MICAL2: variants seen among roughly 807,000 people sequenced by gnomAD.
The protein encoded by MICAL2 is microtubule associated monooxygenase, calponin and LIM domain containing 2.
In MICAL2, 77 loss-of-function variants were observed where a neutral mutation model predicts 127.3. That is an observed-to-expected ratio of 0.60 (90% CI 0.50 to 0.73). The LOEUF (loss-of-function observed/expected upper bound fraction) is 0.73. Ranked by LOEUF, MICAL2 falls within the 30% of genes least tolerant of loss-of-function variation. MICAL2 has a pLI of 0.00. For synonymous variants in MICAL2, 570 were observed against 551.1 expected (o/e 1.03, Z -0.48); for missense variants, 1,351 against 1,434.4 (o/e 0.94, Z 0.94).
intron 3 of MICAL2, among the ~76,000 whole-genome samples, chr11:12,168,886 G>A (rs1855877280): frequency 6.9e-6 from 1 of 145,792 alleles, no homozygotes; most frequent in African/African-American, 2.6e-5. Context: ...GGTCAAGGCG[G>A]CAGTGAGCTA....
At position 12,311,563 on chromosome 11, in the gene MICAL2, G is replaced by A. The variant is rs181724918; in HGVS notation, c.5213-8133G>A. ...AGTAGCTGGCACACGCCACCACACC[G>A]GCTAATTTTTGTATTTTTCTTAGAG... On this transcript the variant is annotated intron_variant, in intron 29 of 34. Transcript: ENST00000646065. 2.6e-3 allele frequency among the ~76,000 whole-genome samples: 391 copies of A among 152,166 alleles called. 2 individuals are homozygous for A. Among genetic ancestry groups the A allele is most frequent in the Non-Finnish European group, 2.7e-3 (184 of 67,974 alleles).
At chr11:12,280,645 G>T (rs1020096507) in intron 1 of MICAL2, among the ~76,000 whole-genome samples, 3 of 152,182 alleles carry the variant, frequency 2.0e-5, no homozygotes, top group Non-Finnish European at 2.9e-5. Flanking sequence ...AGGTGCATGG[G>T]ACAAGGGCCC....
At position 12,335,350 on chromosome 11, in the gene MICAL2, T is replaced by C. The variant is rs548406914; in HGVS notation, c.5515+8084T>C. ...TTGAGTTCATTGTAGATTCTGGATA[T>C]TAGCCCTTTGTCAGATGAGTAGGTT... On this transcript the variant is annotated intron_variant, in intron 32 of 34. Coordinates refer to the MICAL2 transcript ENST00000646065. Among the ~76,000 whole-genome samples, 18 of 152,278 alleles carry C rather than the reference T, an allele frequency of 1.2e-4. No homozygotes were observed. In the East Asian group the frequency reaches 3.1e-3, roughly 26 times the overall value.
At chr11:12,194,629 A>G (rs1198719613) in intron 3 of MICAL2, among the ~76,000 whole-genome samples, 1 of 152,168 alleles carries the variant, frequency 6.6e-6, no homozygotes, top group Non-Finnish European at 1.5e-5. Context: ...TCCTAAAGAA[A>G]TGTGAGATTT....
chr11:12,161,864 G>C (rs765388662), intron 2 of MICAL2: 5 of 451,006 alleles, frequency 1.1e-5, no homozygotes, highest in Non-Finnish European at 2.0e-5. Flanking sequence ...AAGAGGAGCA[G>C]AGCATAGGGG....
chr11:12,256,385 T>G (rs1267565627), intron 23 of MICAL2: 1 of 166,044 alleles, frequency 6.0e-6, no homozygotes, highest in Admixed American at 6.0e-5. Flanking sequence ...CGGGCCAGTT[T>G]CAGGACCTTT....
At position 12,224,801 on chromosome 11, in the gene MICAL2, C is replaced by T. The variant is rs140261770; in HGVS notation, c.1669C>T (p.Arg557Cys). The change falls in exon 13 of 28, where the codon CGC (arginine) becomes TGC (cysteine). Residue 557 changes from arginine to cysteine, a missense_variant. By Grantham distance (180) the Arg-to-Cys change is radical (BLOSUM62 -3). Around this residue, in one of 2 missense-constraint regions of MICAL2, gnomAD observed 599 missense variants for 714.9 expected, o/e 0.84. Coordinates refer to ENST00000683283, the MANE Select transcript of MICAL2 (RefSeq NM_001282663.2). Reference sequence around the variant, plus strand: ...GTTGGCCCTGTGTGCCATCATCCACCGCTTCCGGCCTGAGCTCATGTGAGT... The same window carrying T: ...GTTGGCCCTGTGTGCCATCATCCACTGCTTCCGGCCTGAGCTCATGTGAGT... ...SGLALCAIIH[R>C]FRPELINFDS... is the part of the protein sequence containing the mutation. 511 of 1,613,386 alleles carry T rather than the reference C, an allele frequency of 3.2e-4. 1 individual carries two copies. The highest frequency in any genetic ancestry group is 2.8e-3 in the African/African-American group (208 of 75,066).
chr11:12,352,711 G>A (rs949347755), intron 33 of MICAL2, among the ~76,000 whole-genome samples: 3 of 152,186 alleles, frequency 2.0e-5, no homozygotes, highest in Non-Finnish European at 4.4e-5. Context: ...GGTCTATTGG[G>A]GAAAATGCCT....
Position 12,212,418 on chromosome 11 carries a change from G to A in MICAL2, c.692-837G>A, listed in dbSNP as rs539547628. ...TTGACCCTGGGAGGTCGAGGCTGCAGTGAGCCATGATTGGCACCGCTGCTT... is the reference window on the plus strand; with the variant it reads ...TTGACCCTGGGAGGTCGAGGCTGCAATGAGCCATGATTGGCACCGCTGCTT... On this transcript the variant is annotated intron_variant, in intron 6 of 27. Transcript: ENST00000683283. Among the ~76,000 whole-genome samples, 13 of 152,274 alleles carry A rather than the reference G, an allele frequency of 8.5e-5. No individual in the cohort carries two copies. The Middle Eastern group carries it at 0.014, about 159-fold the overall frequency.
downstream of MICAL2, chr11:12,294,937 C>G: frequency 7.3e-7 from 1 of 1,370,032 alleles, no homozygotes; most frequent in Non-Finnish European, 9.4e-7. Context: ...AAGCAGGCAT[C>G]TTTCACTTCG....
At chr11:12,238,969 C>G (rs1033204809) in intron 16 of MICAL2, among the ~76,000 whole-genome samples, 3 of 144,724 alleles carry the variant, frequency 2.1e-5, no homozygotes, top group Admixed American at 2.0e-4. Flanking sequence ...CCAGGCCTTG[C>G]CTGAGTGACC....
Position 12,181,251 on chromosome 11 carries a change from A to T in MICAL2, c.264+18832A>T, listed in dbSNP as rs1016304670. On this transcript the variant is annotated intron_variant, in intron 3 of 27. Coordinates refer to ENST00000683283, the MANE Select transcript of MICAL2 (RefSeq NM_001282663.2). Reference sequence around the variant, plus strand: ...GAGCCACCGTGCCCGGCCTATTCTTACATTTATTTTCAAAAGAAATTCTGT... The same window carrying T: ...GAGCCACCGTGCCCGGCCTATTCTTTCATTTATTTTCAAAAGAAATTCTGT... 1.2e-4 allele frequency among the ~76,000 whole-genome samples: 18 copies of T among 152,300 alleles called. 2 individuals are homozygous for T. The highest frequency in any genetic ancestry group is 1.1e-3 in the Admixed American group (17 of 15,290).
chr11:12,166,026 T>C (rs943462306), intron 3 of MICAL2, among the ~76,000 whole-genome samples: 7 of 152,190 alleles, frequency 4.6e-5, no homozygotes, highest in African/African-American at 1.7e-4. Flanking sequence ...ACTGGCTCTG[T>C]ATTAGGGTAA....
intron 1 of MICAL2, among the ~76,000 whole-genome samples, chr11:12,137,026 C>T (rs1851894832): frequency 6.6e-6 from 1 of 152,224 alleles, no homozygotes; most frequent in Non-Finnish European, 1.5e-5. Context: ...ACCCACAGAT[C>T]CCAGAAGCTT....
At chr11:12,167,889 A>G (rs1855708408) in intron 3 of MICAL2, among the ~76,000 whole-genome samples, 2 of 152,200 alleles carry the variant, frequency 1.3e-5, no homozygotes, top group Non-Finnish European at 1.5e-5. Context: ...ATTCACAGCA[A>G]TGTCATATGG....
At chr11:12,326,041 T>G (rs917128458) in intron 31 of MICAL2, among the ~76,000 whole-genome samples, 1 of 152,194 alleles carries the variant, frequency 6.6e-6, no homozygotes, top group African/African-American at 2.4e-5. Context: ...TAAGCACTCA[T>G]AGCTGGGACA....
intron 3 of MICAL2, among the ~76,000 whole-genome samples, chr11:12,198,060 C>T (rs1296472027): frequency 6.6e-6 from 1 of 152,178 alleles, no homozygotes; most frequent in Non-Finnish European, 1.5e-5. Flanking sequence ...TTTCCCAGAG[C>T]AGCACTTGAA....
At chr11:12,292,258 T>A (rs755313331), downstream of MICAL2, 19 of 1,614,010 alleles carry the variant, frequency 1.2e-5, no homozygotes, top group Admixed American at 3.2e-4. Flanking sequence ...CTTCAACCAG[T>A]GTTTCTGGGA....
chr11:12,207,891 G>C, intron 4 of MICAL2, 132 bp from the exon 5 acceptor site: 1 of 716,998 alleles, frequency 1.4e-6, no homozygotes, highest in Non-Finnish European at 2.5e-6. Flanking sequence ...GCATAATCCC[G>C]CTCAGTAATG....
Sources: allele counts gnomAD v4.1 joint callset (sites outside exome capture counted in the v4.1 genomes callset), GRCh38; gene constraint gnomAD v4.1.1; regional missense constraint gnomAD v4.1.1; transcripts MANE v1.5; gene names NCBI Gene and HGNC (gene_info 2026-07-23, HGNC 2026-07-21).